Variants in VEPH1 observed in about 807,000 individuals in gnomAD.
VEPH1 encodes ventricular zone-expressed PH domain-containing protein homolog 1.
A neutral mutation model predicts 85.2 loss-of-function variants in VEPH1; 80 were observed. That is an observed-to-expected ratio of 0.94 (90% confidence interval 0.78 to 1.13). The LOEUF is 1.13. Ranked by LOEUF, VEPH1 falls within the 50% of genes most tolerant of loss-of-function variation. The pLI is 0.00. For missense variants in VEPH1, 955 were observed against 980.5 expected (o/e 0.97, Z 0.35); for synonymous variants, 297 against 348.0 (o/e 0.85, Z 1.63).
At chr3:157,416,393 A>G (rs764620718) in intron 5 of VEPH1, among the ~76,000 whole-genome samples, 1 of 152,202 alleles carries the variant, frequency 6.6e-6, no homozygotes, top group Non-Finnish European at 1.5e-5. Flanking sequence ...GGTAAATGGC[A>G]TATATGAATG....
chr3:157,431,697 G>C (rs1733172880), intron 4 of VEPH1, among the ~76,000 whole-genome samples: 1 of 152,014 alleles, frequency 6.6e-6, no homozygotes, highest in Non-Finnish European at 1.5e-5. Context: ...AGCAGCATGA[G>C]TGTTTCTGTT....
At chr3:157,475,191 T>C (rs79861103) in intron 2 of VEPH1, among the ~76,000 whole-genome samples, 2 of 149,566 alleles carry the variant, frequency 1.3e-5, no homozygotes, top group Non-Finnish European at 3.0e-5. Context: ...GGAGTCTCGT[T>C]ATTTTTCCCT....
intron 9 of VEPH1, among the ~76,000 whole-genome samples, chr3:157,340,130 C>G (rs546185576): frequency 6.6e-6 from 1 of 152,164 alleles, no homozygotes; most frequent in Non-Finnish European, 1.5e-5. Flanking sequence ...GCATTTCCAA[C>G]TGAGGTACCA....
intron 5 of VEPH1, among the ~76,000 whole-genome samples, chr3:157,425,702 A>T (rs1309797127): frequency 1.3e-5 from 2 of 152,138 alleles, no homozygotes; most frequent in East Asian, 3.9e-4. Flanking sequence ...GTCTTAGATA[A>T]GATTTTGGAC....
At chr3:157,458,078 C>T (rs1358900576) in intron 4 of VEPH1, among the ~76,000 whole-genome samples, 1 of 152,114 alleles carries the variant, frequency 6.6e-6, no homozygotes, top group Admixed American at 6.5e-5. Context: ...CAATTTCTTA[C>T]TGGTTAGGTC....
chr3:157,422,294 G>A (rs1239469567), intron 5 of VEPH1, among the ~76,000 whole-genome samples: 1 of 152,162 alleles, frequency 6.6e-6, no homozygotes, highest in East Asian at 1.9e-4. Context: ...AAGTGCATGT[G>A]AAAAGCCACC....
intron 6 of VEPH1, among the ~76,000 whole-genome samples, chr3:157,408,929 G>A (rs1731335127): frequency 6.6e-6 from 1 of 152,098 alleles, no homozygotes; most frequent in Admixed American, 6.6e-5. Context: ...ATGCCAAGGA[G>A]TTTGCATAAT....
intron 10 of VEPH1, chr3:157,315,782 C>T (rs1348569666): frequency 6.6e-6 from 1 of 151,538 alleles, no homozygotes; most frequent in Admixed American, 6.6e-5. Flanking sequence ...GGCAAAAAAA[C>T]CCATCAAGAT....
rs1159827612 is a variant in VEPH1, at chr3:157,272,278, TTC to T, written c.2129-6618_2129-6617del. Among the ~76,000 whole-genome samples, 12 of 58,368 alleles carry T rather than the reference TTC, an allele frequency of 2.1e-4. No homozygotes were observed. The East Asian group carries it at 6.6e-3, about 32-fold the overall frequency. The allele number at this position is 58,368 out of a possible 152,430, so 38.3% of individuals were successfully genotyped here. Reference sequence around the variant, plus strand: ...CTTCCTTCCTTCCTTCCTTCCTTCCTTCCTTCCTTCCTTCCTTCCCTTCCTCT... The same window carrying T: ...CTTCCTTCCTTCCTTCCTTCCTTCCTCTTCCTTCCTTCCTTCCCTTCCTCT... On this transcript the variant is annotated intron_variant, in intron 12 of 13. Transcript: ENST00000362010.
rs1301192503 is a variant in VEPH1 at position 157,400,833 on chromosome 3, TC to T, written c.906+13047del. Among the ~76,000 whole-genome samples, 14 of 152,286 alleles carry T rather than the reference TC, an allele frequency of 9.2e-5. No individual in the cohort carries two copies. The East Asian group carries it at 1.5e-3, about 17-fold the overall frequency. ...ATGAATTGATAAAAGATTTAGAGGT[TC>T]TATAGTTTGGATTTACTCTCTAAAA... On this transcript the variant is annotated intron_variant, in intron 6 of 13. Coordinates refer to ENST00000362010, the MANE Select transcript of VEPH1 (RefSeq NM_001167912.2).
intron 13 of VEPH1, among the ~76,000 whole-genome samples, chr3:157,262,625 G>C (rs554199691): frequency 4.7e-4 from 71 of 152,158 alleles, no homozygotes; most frequent in African/African-American, 1.4e-3. Context: ...GTGTTAAACT[G>C]CTATGGTATT....
chr3:157,465,735 G>T (rs187055533), intron 3 of VEPH1, among the ~76,000 whole-genome samples: 1 of 152,140 alleles, frequency 6.6e-6, no homozygotes, highest in South Asian at 2.1e-4. Context: ...AAGACTGTGC[G>T]GCATCAAGGA....
At chr3:157,499,647 G>T (rs1739950070) in intron 1 of VEPH1, 1 of 152,126 alleles carries the variant, frequency 6.6e-6, no homozygotes, top group Non-Finnish European at 1.5e-5. Context: ...CCAGTGCAAC[G>T]CTCTGTTTCC....
chr3:157,400,219 A>G (rs989681633), intron 6 of VEPH1, among the ~76,000 whole-genome samples: 1 of 152,134 alleles, frequency 6.6e-6, no homozygotes, highest in South Asian at 2.1e-4. Context: ...TCCCAGTAAT[A>G]AAAGTTGAGA....
At position 157,267,521 on chromosome 3, in the gene VEPH1, A is replaced by G. The variant is rs561886993; in HGVS notation, c.2129-1859T>C. On this transcript the variant is annotated intron_variant, in intron 12 of 13. Transcript: ENST00000362010. ...AAAAACTGGCCAGGCGCAGCAGCTC[A>G]TGCCTGTAATCCCAGCACTTTGGGA... 1.9e-3 allele frequency among the ~76,000 whole-genome samples: 289 copies of G among 151,478 alleles called. 1 individual carries two copies. The highest frequency in any genetic ancestry group is 3.3e-3 in the Non-Finnish European group (221 of 67,878).
At position 157,369,194 on chromosome 3, in the gene VEPH1, A is replaced by AAAAAAAAAAAC. The variant is rs1560001328; in HGVS notation, c.1128-4693_1128-4683dup. On this transcript the variant is annotated intron_variant, in intron 7 of 13. Coordinates refer to ENST00000362010, the MANE Select transcript of VEPH1 (RefSeq NM_001167912.2). ...AAAAACCAAATGAAAAAAAAAAAAAAAAAAAAAAAACCTCCTGAGGTCTAC... is the reference window on the plus strand; with the variant it reads ...AAAAACCAAATGAAAAAAAAAAAAAAAAAAAAAAAACAAAAAAAAAACCTCCTGAGGTCTAC... Among the ~76,000 whole-genome samples, 7 of 145,036 alleles carry AAAAAAAAAAAC rather than the reference A, an allele frequency of 4.8e-5. 1 individual carries two copies. The highest frequency in any genetic ancestry group is 3.5e-3 in the Middle Eastern group (1 of 286).
chr3:157,408,231 G>A (rs1731281766), intron 6 of VEPH1, among the ~76,000 whole-genome samples: 1 of 152,018 alleles, frequency 6.6e-6, no homozygotes, highest in South Asian at 2.1e-4. Flanking sequence ...AGCCATTATG[G>A]ATGGCCTTGG....
intron 4 of VEPH1, among the ~76,000 whole-genome samples, chr3:157,451,312 G>A (rs1734950822): frequency 6.6e-6 from 1 of 152,078 alleles, no homozygotes; most frequent in Non-Finnish European, 1.5e-5. Context: ...TAACTTTTAA[G>A]TATGAATCAA....
At chr3:157,316,539 T>C (rs1392721944) in intron 10 of VEPH1, among the ~76,000 whole-genome samples, 2 of 150,914 alleles carry the variant, frequency 1.3e-5, no homozygotes, top group East Asian at 3.9e-4. Flanking sequence ...GATAACTATT[T>C]TCAAATAAGA....
Sources: gnomAD v4.1 joint callset for allele counts (sites outside exome capture counted in the v4.1 genomes callset) on GRCh38, gnomAD v4.1.1 for gene constraint, MANE v1.5 for transcripts, NCBI Gene and HGNC (gene_info 2026-07-23, HGNC 2026-07-21) for gene names.